Variants in COL18A1 observed in about 807,000 individuals in gnomAD.
The protein encoded by COL18A1 is collagen alpha-1(XVIII) chain.
COL18A1 carries 133 observed loss-of-function variants against 168.0 expected under a neutral mutation model. The observed-to-expected ratio is 0.79, with a 90% CI of 0.69 to 0.91. The LOEUF (loss-of-function observed/expected upper bound fraction) is 0.91, where lower values mean the gene tolerates loss of function less well. Among genes scored for constraint, COL18A1 ranks in the 40% least tolerant of loss-of-function variants. The pLI, the probability that COL18A1 is intolerant of heterozygous loss-of-function variation, is 0.00. For missense variants in COL18A1, 2,126 were observed against 1,925.4 expected, an observed-to-expected ratio of 1.10 and a Z score of -1.95; for synonymous variants, 949 against 809.0, an observed-to-expected ratio of 1.17 and a Z score of -2.94.
intron 24 of COL18A1, 67 bp from the exon 25 acceptor site, chr21:45,493,096 T>C (rs1275082984): frequency 4.1e-6 from 6 of 1,455,596 alleles, no homozygotes; most frequent in South Asian, 1.2e-5. Context: ...TCGGGGGAGA[T>C]GGAGCAGCCG....
At chr21:45,442,925 CGGTGGT>C (rs1226500176) in intron 2 of COL18A1, among the ~76,000 whole-genome samples, 2 of 72,710 alleles carry the variant, frequency 2.8e-5, no homozygotes, top group African/African-American at 1.4e-4. Flanking sequence ...CTGGTGTGGG[CGGTGGT>C]GGTGCTGGTG....
In COL18A1 at chr21:45,495,661, T is replaced by C. The variant is rs533514873; in HGVS notation, c.2508+229T>C. 4 of 544,958 alleles carry C rather than the reference T, an allele frequency of 7.3e-6. No homozygotes were observed. In the East Asian group the frequency reaches 1.3e-4, roughly 18 times the overall value. 33.8% of individuals were successfully genotyped at this position (544,958 alleles called of 1,614,324 possible). ...ATATATGGCCGTACTCATACATGTG[T>C]GCACATATACACATGCATCTATGCA... On this transcript the variant is annotated intron_variant, in intron 29 of 41. Coordinates refer to ENST00000651438, the MANE Select transcript of COL18A1 (RefSeq NM_001379500.1).
rs2037696979 is a variant in COL18A1 at position 45,512,947 on chromosome 21, C to T, written c.*549C>T. Reference sequence around the variant, plus strand: ...CAGGTCCCTGGGGCTAGGGGGAGCCCCTTCTGCTCAGCTCTGGGCCATTCT... The same window carrying T: ...CAGGTCCCTGGGGCTAGGGGGAGCCTCTTCTGCTCAGCTCTGGGCCATTCT... On this transcript the variant is annotated 3_prime_UTR_variant, in exon 42 of 42. Transcript: ENST00000651438. 1 of 184,842 alleles carries T rather than the reference C, an allele frequency of 5.4e-6. No homozygotes were observed. The highest frequency in any genetic ancestry group is 1.2e-5 in the Non-Finnish European group (1 of 86,508). 11.5% of individuals were successfully genotyped at this position (184,842 alleles called of 1,614,324 possible).
intron 2 of COL18A1, among the ~76,000 whole-genome samples, chr21:45,452,818 G>A (rs530862325): frequency 3.1e-4 from 47 of 151,746 alleles, no homozygotes; most frequent in African/African-American, 9.0e-4. Flanking sequence ...GTGTATGCAT[G>A]TGAGCATGTA....
At chr21:45,406,588 C>G (rs2033117169) in intron 2 of COL18A1, among the ~76,000 whole-genome samples, 1 of 152,180 alleles carries the variant, frequency 6.6e-6, no homozygotes, top group African/African-American at 2.4e-5. Flanking sequence ...TCACGCGGCT[C>G]CATCCCCACA....
At chr21:45,476,719 GTGTA>G (rs931910481) in intron 6 of COL18A1, among the ~76,000 whole-genome samples, 25 of 151,770 alleles carry the variant, frequency 1.6e-4, no homozygotes, top group African/African-American at 5.3e-4. Context: ...TGTATGTAGT[GTGTA>G]TGGTGCATGC....
chr21:45,459,448 G>C (rs868743540), intron 2 of COL18A1, among the ~76,000 whole-genome samples: 5 of 152,234 alleles, frequency 3.3e-5, no homozygotes, highest in African/African-American at 1.2e-4. Context: ...GCCCCTGAGG[G>C]GAGGGGAGCT....
At chr21:45,449,940 C>T (rs1218294684) in intron 2 of COL18A1, among the ~76,000 whole-genome samples, 2 of 152,332 alleles carry the variant, frequency 1.3e-5, no homozygotes, top group African/African-American at 2.4e-5. Flanking sequence ...AATGCAGAGC[C>T]CAGGAAGCAC....
intron 22 of COL18A1, 39 bp downstream of exon 22, chr21:45,491,353 AC>A (rs775041257): frequency 2.2e-6 from 3 of 1,354,034 alleles, no homozygotes; most frequent in Middle Eastern, 2.1e-4. Context: ...ATCTGTCCAG[AC>A]CCCCCACGGG....
chr21:45,487,554 G>T (rs1482994577), intron 17 of COL18A1, 45 bp downstream of exon 17: 1 of 1,607,828 alleles, frequency 6.2e-7, no homozygotes, highest in Admixed American at 1.7e-5. Context: ...GGGTAAGGGG[G>T]TGTTGCCTGG....
chr21:45,473,773 C>T lies in COL18A1; in HGVS notation c.652-122C>T. 3 of 822,952 alleles carry T rather than the reference C, an allele frequency of 3.6e-6. No individual in the cohort carries two copies. Among genetic ancestry groups the T allele is most frequent in the South Asian group, 1.4e-5 (1 of 69,290 alleles). 51.0% of individuals were successfully genotyped at this position (822,952 alleles called of 1,614,324 possible). On this transcript the variant is annotated intron_variant, in intron 3 of 41. Transcript: ENST00000651438. The surrounding 1 kb of genome is among the most constrained non-coding windows in gnomAD (Gnocchi z 4.0). Reference sequence around the variant, plus strand: ...ACCCCCAGGGAGGCTGCCCGAGACCCCTTCCCTCTCCGAGACTCTCCTGCC... The same window carrying T: ...ACCCCCAGGGAGGCTGCCCGAGACCTCTTCCCTCTCCGAGACTCTCCTGCC...
chr21:45,492,278 A>G (rs2036379128), intron 22 of COL18A1, among the ~76,000 whole-genome samples: 1 of 152,210 alleles, frequency 6.6e-6, no homozygotes, highest in African/African-American at 2.4e-5. Flanking sequence ...GGGAGCGTCT[A>G]GCAGAGGCAG....
Position 45,471,204 on chromosome 21 carries a change from T to C in COL18A1, c.651+2418T>C, listed in dbSNP as rs1001412522. ...CGTGGGTGGCGCGCTATGGGCCGTG[T>C]GCTGAGGGCTGTGTTGGTTGATCTC... On this transcript the variant is annotated intron_variant, in intron 3 of 41. Coordinates refer to ENST00000651438, the MANE Select transcript of COL18A1 (RefSeq NM_001379500.1). The surrounding 1 kb of genome is among the most constrained non-coding windows in gnomAD (Gnocchi z 4.4). 2.3e-4 allele frequency among the ~76,000 whole-genome samples: 35 copies of C among 152,246 alleles called. 1 individual carries two copies. Among genetic ancestry groups the C allele is most frequent in the African/African-American group, 7.9e-4 (33 of 41,542 alleles).
At chr21:45,501,569 G>A (rs1471546132) in intron 32 of COL18A1, among the ~76,000 whole-genome samples, 11 of 152,140 alleles carry the variant, frequency 7.2e-5, no homozygotes, top group Admixed American at 7.2e-4. Context: ...GGGAGCTTAG[G>A]TGCGTCCAGG....
chr21:45,482,425 T>A, intron 14 of COL18A1: 1 of 575,864 alleles, frequency 1.7e-6, no homozygotes, highest in South Asian at 1.6e-5. Flanking sequence ...GTCTCCAGCA[T>A]GACCTCAGAT....
chr21:45,408,525 GA>G (rs2033190023), intron 2 of COL18A1: 1 of 152,280 alleles, frequency 6.6e-6, no homozygotes, highest in Non-Finnish European at 1.5e-5. Context: ...CCTGTGGTAT[GA>G]TCAACAGCAC....
chr21:45,480,263 G>T, intron 11 of COL18A1, 107 bp downstream of exon 11: 1 of 1,154,346 alleles, frequency 8.7e-7, no homozygotes, highest in Non-Finnish European at 1.3e-6. Context: ...CTTGCGTGGG[G>T]TCTTGGCTGA....
chr21:45,441,899 G>A (rs2034379517), intron 2 of COL18A1, among the ~76,000 whole-genome samples: 2 of 152,322 alleles, frequency 1.3e-5, no homozygotes, highest in East Asian at 3.9e-4. Flanking sequence ...ACGGGAGGCC[G>A]CCCTCAGCAC....
intron 2 of COL18A1, among the ~76,000 whole-genome samples, chr21:45,453,029 TCATGTGTGA>T (rs2034679283): frequency 6.6e-6 from 1 of 151,880 alleles, no homozygotes; most frequent in South Asian, 2.1e-4. Context: ...TTGCGAGTAT[TCATGTGTGA>T]CATGTAAGCA....
Sources: gnomAD v4.1 joint callset for allele counts (sites outside exome capture counted in the v4.1 genomes callset) on GRCh38, gnomAD v4.1.1 for gene constraint, Gnocchi (gnomAD v3.1) non-coding constraint, MANE v1.5 for transcripts, NCBI Gene and HGNC (gene_info 2026-07-23, HGNC 2026-07-21) for gene names.